Variants in DMD observed in about 807,000 individuals in gnomAD.
DMD encodes mutant dystrophin.
DMD carries 63 observed loss-of-function variants against 330.1 expected under a neutral mutation model. That is an observed-to-expected ratio of 0.19 (90% CI 0.16 to 0.24). The LOEUF (loss-of-function observed/expected upper bound fraction) is 0.24. DMD is among the 10% of genes least tolerant of loss of function. DMD has a pLI of 1.00. For missense variants in DMD, 3,344 were observed against 2,684.1 expected (o/e 1.25, Z -5.43); for synonymous variants, 1,223 against 959.8 (o/e 1.27, Z -5.07).
chrX:31,542,088 T>C (rs922462029), intron 55 of DMD, among the ~76,000 whole-genome samples: 3 of 111,860 alleles, frequency 2.7e-5, no homozygotes, highest in Non-Finnish European at 3.8e-5. Flanking sequence ...TGTGCTGGCA[T>C]TGGGAACATA....
chrX:32,189,242 G>T (rs1201432213), intron 44 of DMD, among the ~76,000 whole-genome samples: 18 of 109,112 alleles, frequency 1.6e-4, no homozygotes, highest in Non-Finnish European at 3.1e-4. Flanking sequence ...AGAGGTGGAG[G>T]TCTTGCTACT....
chrX:31,372,731 A>C (rs1438987428), intron 60 of DMD, among the ~76,000 whole-genome samples: 2 of 111,715 alleles, frequency 1.8e-5, no homozygotes, highest in Admixed American at 1.9e-4. Context: ...GAATGGGCAA[A>C]AACTGGAAGC....
At chrX:32,545,562 C>T (rs1173179090) in intron 16 of DMD, among the ~76,000 whole-genome samples, 1 of 111,512 alleles carries the variant, frequency 9.0e-6, no homozygotes, top group Non-Finnish European at 1.9e-5. Context: ...GTCAATTTAG[C>T]GCCCCTTCAA....
At chrX:32,036,424 C>T (rs1443553356) in intron 44 of DMD, among the ~76,000 whole-genome samples, 1 of 111,440 alleles carries the variant, frequency 9.0e-6, no homozygotes, top group Non-Finnish European at 1.9e-5. Context: ...AATGTAAGAA[C>T]GTATTTAACA....
intron 1 of DMD, among the ~76,000 whole-genome samples, chrX:33,308,065 G>T (rs893676327): frequency 2.7e-4 from 30 of 112,243 alleles, no homozygotes; most frequent in African/African-American, 9.4e-4. Context: ...CATGACTCTG[G>T]TATGTCTACC....
intron 11 of DMD, among the ~76,000 whole-genome samples, chrX:32,637,009 A>G (rs1408253245): frequency 1.8e-5 from 2 of 110,923 alleles, no homozygotes; most frequent in African/African-American, 6.6e-5. Flanking sequence ...AAAAAAAGAA[A>G]AAGAAAAAGA....
intron 9 of DMD, among the ~76,000 whole-genome samples, chrX:32,659,323 T>C (rs2060797470): frequency 8.9e-6 from 1 of 111,856 alleles, no homozygotes; most frequent in South Asian, 3.7e-4. Context: ...TCTCTTTTCC[T>C]TATTCCTTAA....
chrX:32,696,170 A>C (rs1205395340), intron 9 of DMD, among the ~76,000 whole-genome samples: 1 of 111,881 alleles, frequency 8.9e-6, no homozygotes, highest in African/African-American at 3.2e-5. Context: ...TTCTGATGGA[A>C]TCAGATCCAG....
At position 31,468,978 on chromosome X, in the gene DMD, G is replaced by A. The variant is rs1416157788; in HGVS notation, c.8937+9128C>T. 5.4e-5 allele frequency among the ~76,000 whole-genome samples: 6 copies of A among 110,785 alleles called. No individual in the cohort carries two copies. The Admixed American group carries it at 5.8e-4, about 11-fold the overall frequency. ...TTAAAGTCTGTTTTGTCTGAGACTA[G>A]GATTGCAACCCCTGCTTTTTTTTTC... On this transcript the variant is annotated intron_variant, in intron 59 of 78. Coordinates refer to ENST00000357033, the MANE Select transcript of DMD (RefSeq NM_004006.3).
intron 53 of DMD, among the ~76,000 whole-genome samples, chrX:31,664,529 C>CTTTTAAGCTTTT (rs2081306736): frequency 1.6e-5 from 1 of 63,786 alleles, no homozygotes; most frequent in Non-Finnish European, 2.8e-5. Flanking sequence ...AGTGTTCAAG[C>CTTTTAAGCTTTT]TTTTTTTTTT....
chrX:31,415,127 A>T (rs1211851449), intron 60 of DMD, among the ~76,000 whole-genome samples: 1 of 112,425 alleles, frequency 8.9e-6, no homozygotes, highest in Admixed American at 9.4e-5. Flanking sequence ...AATGGAAAAA[A>T]ACCAGCCTGG....
chrX:31,383,559 G>A (rs2060292419), intron 60 of DMD, among the ~76,000 whole-genome samples: 1 of 112,105 alleles, frequency 8.9e-6, no homozygotes, highest in South Asian at 3.7e-4. Flanking sequence ...AAGCCTAAAA[G>A]CCTGGAACTG....
intron 1 of DMD, among the ~76,000 whole-genome samples, chrX:33,048,326 G>A (rs760746149): frequency 2.7e-5 from 3 of 111,423 alleles, no homozygotes; most frequent in East Asian, 2.8e-4. Flanking sequence ...TTACGTAGTC[G>A]TAACTACAAC....
chrX:32,883,823 C>CAAAAAAAAAAAAA (rs56150142), intron 2 of DMD, among the ~76,000 whole-genome samples: 5 of 30,350 alleles, frequency 1.6e-4, no homozygotes, highest in African/African-American at 5.7e-4. Flanking sequence ...GACTCTGTTT[C>CAAAAAAAAAAAAA]AAAAAAAAAA....
chrX:32,697,721 C>T, intron 9 of DMD, 149 bp downstream of exon 9: 2 of 720,050 alleles, frequency 2.8e-6, no homozygotes, highest in African/African-American at 2.1e-5. Context: ...AGCAGAATCA[C>T]ATGAGGGAAT....
intron 47 of DMD, among the ~76,000 whole-genome samples, chrX:31,919,003 C>G (rs937194708): frequency 1.8e-5 from 2 of 111,945 alleles, no homozygotes; most frequent in East Asian, 5.6e-4. Context: ...TATATGAAAT[C>G]TTACCCATAG....
At chrX:32,081,858 T>TAAA (rs774959592) in intron 44 of DMD, among the ~76,000 whole-genome samples, 5 of 105,562 alleles carry the variant, frequency 4.7e-5, no homozygotes, top group African/African-American at 1.7e-4. Context: ...CTGTCTAAAA[T>TAAA]AATAATAATA....
At position 31,721,668 on chromosome X, in the gene DMD, ATCTCTCTCTCTCTCTCACTCTC is replaced by A. The variant is rs1272453887; in HGVS notation, c.7660+7941_7660+7962del. On this transcript the variant is annotated intron_variant, in intron 52 of 78. Transcript: ENST00000357033. ...ATTATATATATTAGTATTATTACCA[ATCTCTCTCTCTCTCTCACTCTC>A]TCTCTCTCTCTCTCTCTCTCTCTCT... Among the ~76,000 whole-genome samples, 90 of 32,466 alleles carry A rather than the reference ATCTCTCTCTCTCTCTCACTCTC, an allele frequency of 2.8e-3. 2 individuals carry two copies. The highest frequency in any genetic ancestry group is 5.3e-3 in the African/African-American group (26 of 4,912). 28.2% of individuals were successfully genotyped at this position (32,466 alleles called of 115,157 possible).
At chrX:31,131,666 T>C (rs1188682697) in intron 77 of DMD, among the ~76,000 whole-genome samples, 1 of 111,600 alleles carries the variant, frequency 9.0e-6, no homozygotes, top group Non-Finnish European at 1.9e-5. Context: ...TGAACACATC[T>C]ACCAACTGGT....
Sources: allele counts gnomAD v4.1 joint callset (sites outside exome capture counted in the v4.1 genomes callset), GRCh38; gene constraint gnomAD v4.1.1; transcripts MANE v1.5; gene names NCBI Gene and HGNC (gene_info 2026-07-23, HGNC 2026-07-21).